Variants in TRAP1 observed in about 807,000 individuals in gnomAD.
TRAP1 encodes TNF receptor associated protein 1, also known as heat shock protein 75 kDa, mitochondrial.
In TRAP1, 102 loss-of-function variants were observed where a neutral mutation model predicts 89.1. That is an observed-to-expected ratio of 1.15 (90% CI 0.98 to 1.35). The LOEUF is 1.35. Ranked by LOEUF, TRAP1 falls within the 40% of genes most tolerant of loss-of-function variation. The pLI, the probability that TRAP1 is intolerant of heterozygous loss-of-function variation, is 0.00. For synonymous variants in TRAP1, 508 were observed against 388.0 expected, an observed-to-expected ratio of 1.31 and a Z score of -3.64; for missense variants, 1,256 against 945.3, an observed-to-expected ratio of 1.33 and a Z score of -4.31.
At position 3,664,311 on chromosome 16, in the gene TRAP1, G is replaced by A; in HGVS notation, c.1532C>T (p.Ser511Leu). ...CTTCTTCATGGCCTCATAGTAGGGTGAGTGCTCTGCCAGGTGACGGTTGGG... is the reference window on the plus strand; with the variant it reads ...CTTCTTCATGGCCTCATAGTAGGGTAAGTGCTCTGCCAGGTGACGGTTGGG... ...CAPNRHLAEHSPYYEAMKKKD... is the reference protein window; with the variant it reads ...CAPNRHLAEHLPYYEAMKKKD... Residue 511 changes from serine to leucine, a missense_variant, in exon 13 of 18, where the codon TCA (serine) becomes TTA (leucine). Coordinates refer to ENST00000246957, the MANE Select transcript of TRAP1 (RefSeq NM_016292.3). 9 of 1,611,148 alleles carry A rather than the reference G, an allele frequency of 5.6e-6. No homozygotes were observed. The highest frequency in any genetic ancestry group is 3.3e-5 in the South Asian group (3 of 90,654).
intron 4 of TRAP1, chr16:3,680,149 C>T: frequency 4.6e-6 from 1 of 216,556 alleles, no homozygotes; most frequent in East Asian, 1.0e-4. Flanking sequence ...TTGCTTGAGC[C>T]CAGTGAACCC....
rs1019782498 is a variant in TRAP1, at chr16:3,664,316, C to T, written c.1527G>A (p.Glu509=). Residue 509 remains glutamate (E), a synonymous_variant, in exon 13 of 18, where the codon GAG becomes GAA. Transcript: ENST00000246957. Reference sequence around the variant, plus strand: ...TCATGGCCTCATAGTAGGGTGAGTGCTCTGCCAGGTGACGGTTGGGGGCGC... The same window carrying T: ...TCATGGCCTCATAGTAGGGTGAGTGTTCTGCCAGGTGACGGTTGGGGGCGC... ...YLCAPNRHLA[E]HSPYYEAMKK... is the part of the protein sequence containing the mutation. 1.2e-6 allele frequency: 2 copies of T among 1,611,866 alleles called. No individual in the cohort carries two copies. The highest frequency in any genetic ancestry group is 1.7e-6 in the Non-Finnish European group (2 of 1,179,308).
rs1416176391 is a variant in TRAP1, at chr16:3,690,682, C to T, written c.247+145G>A. The T allele has an allele frequency of 1.0e-5, 9 of 872,632 alleles. No individual in the cohort carries two copies. The East Asian group carries it at 1.8e-4, about 17-fold the overall frequency. The allele number at this position is 872,632 out of a possible 1,614,324, so 54.1% of individuals were successfully genotyped here. A position where few individuals can be genotyped will look rare whatever the true frequency, so the allele number is the denominator to read the frequency against. On this transcript the variant is annotated intron_variant, in intron 2 of 17. Transcript: ENST00000246957. ...CCCTCGCTGGGACAGAAATGGAGGG[C>T]GCAGCACTCCCTACAGCCAAGACCT...
chr16:3,689,106 C>G lies in TRAP1; in HGVS notation c.279G>C (p.Glu93Asp). ...CAACAATGTCCAAAAGCTTCTTTGT[C>G]TCGGCCTGGAACTCATGTTTGGAAG... is the stretch of plus-strand genomic sequence containing the variant. ...GSTSKHEFQA[E>D]TKKLLDIVAR... Residue 93 changes from glutamate (E) to aspartate (D), a missense_variant, in exon 3 of 18, where the codon GAG becomes GAC. Physicochemically the swap from Glu to Asp is conservative, Grantham distance 45. Transcript: ENST00000246957. 1 of 1,614,020 alleles carries G rather than the reference C, an allele frequency of 6.2e-7. No individual in the cohort carries two copies. The highest frequency in any genetic ancestry group is 8.5e-7 in the Non-Finnish European group (1 of 1,179,986).
intron 11 of TRAP1, among the ~76,000 whole-genome samples, chr16:3,666,992 T>C (rs531843205): frequency 3.8e-4 from 58 of 152,312 alleles, no homozygotes; most frequent in African/African-American, 1.4e-3. Flanking sequence ...CGAGTTCATT[T>C]AGAGCCTTTC....
At chr16:3,687,964 C>G (rs965142479) in intron 3 of TRAP1, among the ~76,000 whole-genome samples, 2 of 151,652 alleles carry the variant, frequency 1.3e-5, no homozygotes, top group African/African-American at 4.8e-5. Context: ...TGGGCGGAAG[C>G]TGGAGGTCAC....
chr16:3,669,217 C>G (rs555130269), intron 11 of TRAP1, among the ~76,000 whole-genome samples: 1 of 152,190 alleles, frequency 6.6e-6, no homozygotes, highest in African/African-American at 2.4e-5. Context: ...ACCAGTAACC[C>G]ACAGGCGCAC....
rs1170478657 is a variant in TRAP1 at position 3,658,040 on chromosome 16, G to C, written c.*89C>G. ...AGAAAAAAAGCCCAACACACACTCGGGTTAAGAAATACCTTTAAATTTAGG... is the reference window on the plus strand; with the variant it reads ...AGAAAAAAAGCCCAACACACACTCGCGTTAAGAAATACCTTTAAATTTAGG... On this transcript the variant is annotated 3_prime_UTR_variant, in exon 18 of 18. Coordinates refer to ENST00000246957, the MANE Select transcript of TRAP1 (RefSeq NM_016292.3). 1 of 1,607,844 alleles carries C rather than the reference G, an allele frequency of 6.2e-7. No homozygotes were observed. Among genetic ancestry groups the C allele is most frequent in the Non-Finnish European group, 8.5e-7 (1 of 1,176,398 alleles).
chr16:3,681,881 T>C (rs549195011), intron 4 of TRAP1, among the ~76,000 whole-genome samples: 2 of 152,136 alleles, frequency 1.3e-5, no homozygotes, highest in Non-Finnish European at 2.9e-5. Flanking sequence ...TATATGGAAA[T>C]ACAAAGAACT....
Position 3,671,738 on chromosome 16 carries a change from C to T in TRAP1, c.1219G>A (p.Glu407Lys), listed in dbSNP as rs138223757. 1 of 1,613,064 alleles carries T rather than the reference C, an allele frequency of 6.2e-7. No homozygotes were observed. The highest frequency in any genetic ancestry group is 1.3e-5 in the African/African-American group (1 of 74,952). ...PLNLSRELLQ[E>K]SALIRKLRDV... ...GAGGCTCACCTGATGAGTGCGCTCT[C>T]CTGCAGCAGCTCCCGGCTGAGGTTC... Residue 407 changes from glutamate to lysine, a missense_variant, in exon 11 of 18, where the codon GAG (glutamate) becomes AAG (lysine). Physicochemically the swap from Glu to Lys is moderately conservative, Grantham distance 56. Coordinates refer to ENST00000246957, the MANE Select transcript of TRAP1 (RefSeq NM_016292.3).
chr16:3,664,244 CGGA>C, intron 13 of TRAP1, 27 bp downstream of exon 13: 4 of 1,523,842 alleles, frequency 2.6e-6, no homozygotes, highest in Non-Finnish European at 3.5e-6. Flanking sequence ...TTGCAGCCCC[CGGA>C]GCCCGCCCCA....
At chr16:3,700,510 A>T (rs907652238) in intron 1 of TRAP1, among the ~76,000 whole-genome samples, 1 of 152,086 alleles carries the variant, frequency 6.6e-6, no homozygotes, top group Non-Finnish European at 1.5e-5. Context: ...TCTGTTGCCC[A>T]GGCTGGAGTG....
chr16:3,662,695 T>C, intron 15 of TRAP1, 187 bp downstream of exon 15: 1 of 700,672 alleles, frequency 1.4e-6, no homozygotes, highest in Non-Finnish European at 2.6e-6. Flanking sequence ...AGACACGGCC[T>C]TCCTGCCTCA....
At chr16:3,665,049 C>G (rs764526002) in intron 12 of TRAP1, 3 of 153,960 alleles carry the variant, frequency 1.9e-5, no homozygotes, top group African/African-American at 7.2e-5. Context: ...GACACCCAAC[C>G]AGCAGGGCCC....
chr16:3,679,432 T>C (rs1208842108), intron 5 of TRAP1, among the ~76,000 whole-genome samples: 1 of 152,194 alleles, frequency 6.6e-6, no homozygotes, highest in East Asian at 1.9e-4. Flanking sequence ...ATCTAAAGCA[T>C]ACAAGAAGAT....
In TRAP1 at chr16:3,662,903, C is replaced by A; in HGVS notation, c.1773G>T (p.Gly591=). 1.2e-6 allele frequency: 2 copies of A among 1,613,524 alleles called. No homozygotes were observed. The highest frequency in any genetic ancestry group is 1.7e-6 in the Non-Finnish European group (2 of 1,180,008). Reference sequence around the variant, plus strand: ...TCACCTTCACGTTGGTGACACGCGACCCCAGCACATTTCTCATCCAGGCCA... The same window carrying A: ...TCACCTTCACGTTGGTGACACGCGAACCCAGCACATTTCTCATCCAGGCCA... ...ELMAWMRNVL[G]SRVTNVKVTL... The change falls in exon 15 of 18, where the codon GGG becomes GGT. Residue 591 remains glycine (G), a synonymous_variant. Transcript: ENST00000246957.
At chr16:3,705,334 G>C (rs2051427221) in intron 1 of TRAP1, among the ~76,000 whole-genome samples, 1 of 152,084 alleles carries the variant, frequency 6.6e-6, no homozygotes, top group Admixed American at 6.6e-5. Flanking sequence ...CTCCCAAAGT[G>C]CTGGGATTAC....
At chr16:3,713,063 G>A (rs1014584415) in intron 1 of TRAP1, among the ~76,000 whole-genome samples, 2 of 152,154 alleles carry the variant, frequency 1.3e-5, no homozygotes, top group Non-Finnish European at 2.9e-5. Flanking sequence ...CGACAAACAT[G>A]TCATGGACGC....
At chr16:3,677,306 G>A (rs1367705967) in intron 6 of TRAP1, among the ~76,000 whole-genome samples, 192 bp downstream of exon 6, 2 of 152,144 alleles carry the variant, frequency 1.3e-5, no homozygotes, top group Non-Finnish European at 2.9e-5. Context: ...CCAACCACAT[G>A]GGACCAGACA....
Sources: gnomAD v4.1 joint callset for allele counts (sites outside exome capture counted in the v4.1 genomes callset) on GRCh38, gnomAD v4.1.1 for gene constraint, MANE v1.5 for transcripts, NCBI Gene and HGNC (gene_info 2026-07-23, HGNC 2026-07-21) for gene names.